The following MYT1L variants were observed in gnomAD, a reference collection of about 807,000 sequenced individuals.
MYT1L encodes the protein myelin transcription factor 1-like protein.
A neutral mutation model predicts 126.7 loss-of-function variants in MYT1L; 12 were observed. That is an observed-to-expected ratio of 0.09 (90% CI 0.06 to 0.15). The LOEUF is 0.15. MYT1L is among the 10% of genes least tolerant of loss of function. The pLI is 1.00. For missense variants in MYT1L, 979 were observed against 1,585.2 expected (o/e 0.62, Z 6.49); for synonymous variants, 541 against 604.2 (o/e 0.90, Z 1.53).
intron 3 of MYT1L, among the ~76,000 whole-genome samples, chr2:2,136,623 T>A (rs906025490): frequency 9.2e-5 from 14 of 152,352 alleles, no homozygotes; most frequent in African/African-American, 3.4e-4. Flanking sequence ...TAATTTTTAA[T>A]CATGAAATCT....
At chr2:1,875,214 G>A (rs761758335) in intron 18 of MYT1L, among the ~76,000 whole-genome samples, 5 of 152,132 alleles carry the variant, frequency 3.3e-5, no homozygotes, top group East Asian at 1.9e-4. Flanking sequence ...GAGTGCGATC[G>A]CTGCGGGGAA....
chr2:2,056,187 C>T (rs2069529347), intron 3 of MYT1L, among the ~76,000 whole-genome samples: 1 of 152,158 alleles, frequency 6.6e-6, no homozygotes, highest in Non-Finnish European at 1.5e-5. Flanking sequence ...GGTGAAACAG[C>T]AAAGCACCTT....
intron 2 of MYT1L, among the ~76,000 whole-genome samples, chr2:2,177,711 C>T (rs1026937804): frequency 6.6e-6 from 1 of 152,108 alleles, no homozygotes; most frequent in African/African-American, 2.4e-5. Context: ...CTTATAAAAC[C>T]ATCAGATCTT....
At position 2,059,551 on chromosome 2, in the gene MYT1L, C is replaced by T. The variant is rs909288586; in HGVS notation, c.-303-5428G>A. Among the ~76,000 whole-genome samples the T allele has an allele frequency of 1.6e-4, 25 of 152,212 alleles. No homozygotes were observed. The highest frequency in any genetic ancestry group is 4.8e-4 in the African/African-American group (20 of 41,442). On this transcript the variant is annotated intron_variant, in intron 3 of 24. Transcript: ENST00000647738. This position sits in a 1 kb window ranked among gnomAD's most constrained non-coding sequence, Gnocchi z 4.7. ...GGACATGCATGCAGTGAGTTCTCCA[C>T]ACAGTCCCTGCCAAAGGCCTTGCAC...
chr2:1,903,942 T>A (rs1041669092), intron 13 of MYT1L, among the ~76,000 whole-genome samples: 4 of 152,208 alleles, frequency 2.6e-5, no homozygotes, highest in Non-Finnish European at 4.4e-5. Flanking sequence ...TGTGTGTGTG[T>A]GTGTGTGCGC....
intron 2 of MYT1L, among the ~76,000 whole-genome samples, chr2:2,281,670 G>C (rs1330786892): frequency 7.2e-5 from 11 of 152,126 alleles, no homozygotes; most frequent in Admixed American, 5.9e-4. Flanking sequence ...ATATGAAATA[G>C]AAATTAGCCC....
At chr2:2,323,629 T>C (rs1434858362) in intron 1 of MYT1L, among the ~76,000 whole-genome samples, 1 of 152,090 alleles carries the variant, frequency 6.6e-6, no homozygotes, top group African/African-American at 2.4e-5. Flanking sequence ...CAATAGAAAA[T>C]TAGGATTCCA....
chr2:2,315,758 A>T (rs2096055870), intron 1 of MYT1L, among the ~76,000 whole-genome samples: 1 of 152,232 alleles, frequency 6.6e-6, no homozygotes, highest in South Asian at 2.1e-4. Context: ...TGTTTACAAC[A>T]TCTCACTCTA....
chr2:2,316,860 G>A (rs2096073126), intron 1 of MYT1L, among the ~76,000 whole-genome samples: 1 of 151,868 alleles, frequency 6.6e-6, no homozygotes, highest in African/African-American at 2.4e-5. Context: ...ACCGAGGATG[G>A]AGTGCAGTGG....
chr2:2,114,759 G>A (rs1272923755), intron 3 of MYT1L, among the ~76,000 whole-genome samples: 1 of 152,194 alleles, frequency 6.6e-6, no homozygotes, highest in Non-Finnish European at 1.5e-5. Context: ...GCCAGACCCA[G>A]GATCTTCATA....
intron 10 of MYT1L, among the ~76,000 whole-genome samples, chr2:1,918,239 A>G (rs1409770826): frequency 1.3e-5 from 2 of 152,240 alleles, no homozygotes; most frequent in Non-Finnish European, 2.9e-5. Flanking sequence ...CCCAGAATTG[A>G]CTACAGTTCA....
chr2:1,909,193 C>G (rs1448957419), intron 13 of MYT1L, among the ~76,000 whole-genome samples: 1 of 152,184 alleles, frequency 6.6e-6, no homozygotes, highest in African/African-American at 2.4e-5. Context: ...AATCACACAG[C>G]TCACAGCAGC....
At chr2:2,077,500 A>G (rs953993250) in intron 3 of MYT1L, among the ~76,000 whole-genome samples, 1 of 152,216 alleles carries the variant, frequency 6.6e-6, no homozygotes, top group African/African-American at 2.4e-5. Context: ...TGATTCAATT[A>G]AATGGTCTAC....
intron 14 of MYT1L, among the ~76,000 whole-genome samples, chr2:1,901,953 G>A (rs1320727598): frequency 1.1e-4 from 16 of 152,158 alleles, no homozygotes; most frequent in Admixed American, 1.0e-3. Context: ...AACCACTGCA[G>A]CCAGCCCCAA....
chr2:2,070,441 C>T (rs186802623), intron 3 of MYT1L, among the ~76,000 whole-genome samples: 1 of 152,180 alleles, frequency 6.6e-6, no homozygotes, highest in South Asian at 2.1e-4. Context: ...CTGGGAATGA[C>T]TGAGTGCCCA....
chr2:2,193,655 C>A (rs945610122), intron 2 of MYT1L, among the ~76,000 whole-genome samples: 1 of 152,166 alleles, frequency 6.6e-6, no homozygotes, highest in African/African-American at 2.4e-5. Context: ...TAAGAAAAGA[C>A]AAAAGAGTGA....
chr2:1,825,482 A>G (rs1031562817), intron 21 of MYT1L: 2 of 152,244 alleles, frequency 1.3e-5, no homozygotes, highest in African/African-American at 4.8e-5. Context: ...GAATCAAGTA[A>G]TATTATGTTT....
chr2:1,977,523 A>T (rs2060275626), intron 8 of MYT1L, among the ~76,000 whole-genome samples: 1 of 152,240 alleles, frequency 6.6e-6, no homozygotes, highest in Non-Finnish European at 1.5e-5. Context: ...AAAAATATGT[A>T]AAAGAGGATA....
At chr2:2,063,440 G>A (rs1001520675) in intron 3 of MYT1L, among the ~76,000 whole-genome samples, 3 of 152,082 alleles carry the variant, frequency 2.0e-5, no homozygotes, top group South Asian at 2.1e-4. Flanking sequence ...CTGACCTGTC[G>A]GGGGTCTTTG....
Sources: allele counts gnomAD v4.1 joint callset (sites outside exome capture counted in the v4.1 genomes callset), GRCh38; gene constraint gnomAD v4.1.1; non-coding constraint Gnocchi (gnomAD v3.1); transcripts MANE v1.5; gene names NCBI Gene and HGNC (gene_info 2026-07-23, HGNC 2026-07-21).